EPHA5: variants seen among roughly 807,000 people sequenced by gnomAD.
The protein encoded by EPHA5 is ephrin type-A receptor 5.
EPHA5 carries 60 observed loss-of-function variants against 105.0 expected under a neutral mutation model. That is an observed-to-expected ratio of 0.57 (90% CI 0.46 to 0.71). The LOEUF (loss-of-function observed/expected upper bound fraction) is 0.71, where lower values mean the gene tolerates loss of function less well. Among genes scored for constraint, EPHA5 ranks in the 30% least tolerant of loss-of-function variants. EPHA5 has a pLI of 0.00. For missense variants in EPHA5, 1,218 were observed against 1,274.7 expected, an observed-to-expected ratio of 0.96 and a Z score of 0.68; for synonymous variants, 513 against 449.1, an observed-to-expected ratio of 1.14 and a Z score of -1.80.
intron 14 of EPHA5, among the ~76,000 whole-genome samples, chr4:65,345,755 GCCT>G (rs1220017275): frequency 6.6e-6 from 1 of 151,230 alleles, no homozygotes; most frequent in East Asian, 2.0e-4. Context: ...AAGCAATCAT[GCCT>G]CTTCTTTTTC....
intron 3 of EPHA5, among the ~76,000 whole-genome samples, chr4:65,527,081 T>C (rs560994753): frequency 6.6e-6 from 1 of 152,036 alleles, no homozygotes; most frequent in Admixed American, 6.6e-5. Flanking sequence ...AAAAGAGAAT[T>C]TGTATATAGT....
intron 8 of EPHA5, 129 bp from the exon 9 acceptor site, chr4:65,367,553 G>T: frequency 1.3e-6 from 1 of 772,724 alleles, no homozygotes. Context: ...AGTTTGGAAT[G>T]ATGCCAATAC....
chr4:65,623,941 A>T (rs2149480307), intron 2 of EPHA5, among the ~76,000 whole-genome samples: 1 of 152,300 alleles, frequency 6.6e-6, no homozygotes, highest in East Asian at 1.9e-4. Flanking sequence ...TAACAATGAA[A>T]ATTTAAGGTT....
Position 65,669,702 on chromosome 4 carries a change from G to T in EPHA5, c.41C>A (p.Pro14His), listed in dbSNP as rs1197560367. The change falls in exon 1 of 17, where the codon CCC (proline) becomes CAC (histidine). Residue 14 changes from proline (P) to histidine (H), a missense_variant. Physicochemically the swap from Pro to His is moderately conservative, Grantham distance 77 (BLOSUM62 -2). Around this residue, in one of 3 missense-constraint regions of EPHA5, gnomAD observed 233 missense variants for 227.5 expected, o/e 1.02. Transcript: ENST00000613740. ...SGPRGAGRRR[P>H]PSGGGDTPIT... is the part of the protein sequence containing the mutation. ...GGGGGTGTCGCCGCCGCCGCTTGGG[G>T]GCCGCCGGCGTCCCGCACCCCGGGG... 5.4e-6 allele frequency: 7 copies of T among 1,296,626 alleles called. No homozygotes were observed. The highest frequency in any genetic ancestry group is 1.5e-5 in the African/African-American group (1 of 65,620). 80.3% of individuals were successfully genotyped at this position (1,296,626 alleles called of 1,614,324 possible).
chr4:65,403,211 T>G (rs1363511424), intron 8 of EPHA5, among the ~76,000 whole-genome samples: 1 of 152,194 alleles, frequency 6.6e-6, no homozygotes, highest in African/African-American at 2.4e-5. Flanking sequence ...CTGTTACTTC[T>G]GTAATTTAAG....
chr4:65,563,413 C>T (rs910346996), intron 3 of EPHA5, among the ~76,000 whole-genome samples: 6 of 151,984 alleles, frequency 3.9e-5, no homozygotes, highest in African/African-American at 1.4e-4. Context: ...TCAATCACAG[C>T]ACACAAGTAG....
intron 5 of EPHA5, among the ~76,000 whole-genome samples, chr4:65,446,608 G>A (rs1246290606): frequency 6.6e-6 from 1 of 152,092 alleles, no homozygotes; most frequent in Non-Finnish European, 1.5e-5. Flanking sequence ...GTCTACTAAA[G>A]GAAATGAATT....
At position 65,323,468 on chromosome 4, in the gene EPHA5, C is replaced by A. The variant is rs1046170647; in HGVS notation, c.*646G>T. On this transcript the variant is annotated 3_prime_UTR_variant, in exon 17 of 17. Transcript: ENST00000613740. ...ATACACATTTATTACCTAATAATCT[C>A]TAGAAGAGCAACTAAAAGTAAACTT... 2 of 230,004 alleles carry A rather than the reference C, an allele frequency of 8.7e-6. No individual in the cohort carries two copies. The highest frequency in any genetic ancestry group is 2.2e-5 in the African/African-American group (1 of 45,108). The allele number at this position is 230,004 out of a possible 1,614,324, so 14.2% of individuals were successfully genotyped here. A position where few individuals can be genotyped will look rare whatever the true frequency, so the allele number is the denominator to read the frequency against.
chr4:65,454,909 T>A (rs1727425072), intron 5 of EPHA5, among the ~76,000 whole-genome samples: 1 of 152,198 alleles, frequency 6.6e-6, no homozygotes, highest in South Asian at 2.1e-4. Flanking sequence ...TTCTCACCTC[T>A]GACTCTCTCT....
chr4:65,322,028 CA>C lies in EPHA5; in HGVS notation c.*2085del, dbSNP rs1577798303. 1 of 225,926 alleles carries C rather than the reference CA, an allele frequency of 4.4e-6. No individual in the cohort carries two copies. The highest frequency in any genetic ancestry group is 6.4e-5 in the East Asian group (1 of 15,694). The allele number at this position is 225,926 out of a possible 1,614,324, so 14.0% of individuals were successfully genotyped here. On this transcript the variant is annotated 3_prime_UTR_variant, in exon 17 of 17. Transcript: ENST00000613740. The stretch of plus-strand genomic sequence containing the variant: ...ATTAATTTCTGTTTATTGAAATGAA[CA>C]AATGCATCTTTAATAATGGTGATGC...
rs558050307 is a variant in EPHA5, at chr4:65,620,162, T to C, written c.247-17858A>G. 2.0e-5 allele frequency among the ~76,000 whole-genome samples: 3 copies of C among 148,468 alleles called. 1 individual carries two copies. In the South Asian group the frequency reaches 6.3e-4, roughly 31 times the overall value. ...ATGATAGTAATAACTGTTTAAAATTTATCAAGAATGAAGTATGTGCCTAGA... is the reference window on the plus strand; with the variant it reads ...ATGATAGTAATAACTGTTTAAAATTCATCAAGAATGAAGTATGTGCCTAGA... On this transcript the variant is annotated intron_variant, in intron 2 of 16. Transcript: ENST00000613740.
chr4:65,470,269 T>A (rs1412656141), intron 5 of EPHA5, among the ~76,000 whole-genome samples: 1 of 151,596 alleles, frequency 6.6e-6, no homozygotes. Context: ...CTTGGCTCAC[T>A]GCAACCTCTG....
At position 65,323,349 on chromosome 4, in the gene EPHA5, T is replaced by G. The variant is rs992691569; in HGVS notation, c.*765A>C. On this transcript the variant is annotated 3_prime_UTR_variant, in exon 17 of 17. Transcript: ENST00000613740. The stretch of plus-strand genomic sequence containing the variant: ...GCTAAAATTGAAACACTATTAGAAA[T>G]GCAAGCAGAATGGTAACACACACAT... 8.7e-6 allele frequency: 2 copies of G among 229,900 alleles called. No individual in the cohort carries two copies. The highest frequency in any genetic ancestry group is 1.7e-5 in the Non-Finnish European group (2 of 115,972). 14.2% of individuals were successfully genotyped at this position (229,900 alleles called of 1,614,324 possible). A position where few individuals can be genotyped will look rare whatever the true frequency, so the allele number is the denominator to read the frequency against.
intron 8 of EPHA5, among the ~76,000 whole-genome samples, chr4:65,402,931 T>G (rs888982317): frequency 6.6e-6 from 1 of 152,138 alleles, no homozygotes; most frequent in Non-Finnish European, 1.5e-5. Flanking sequence ...CCCAGGTGAC[T>G]TCAGAGAGAT....
At chr4:65,547,226 T>C (rs549509301) in intron 3 of EPHA5, among the ~76,000 whole-genome samples, 1 of 151,376 alleles carries the variant, frequency 6.6e-6, no homozygotes, top group African/African-American at 2.4e-5. Context: ...TTTTACACCC[T>C]GTGGACTTCC....
rs554628323 is a variant in EPHA5, at chr4:65,550,651, C to T, written c.910+50990G>A. 7.9e-5 allele frequency among the ~76,000 whole-genome samples: 12 copies of T among 151,958 alleles called. No homozygotes were observed. The South Asian group carries it at 1.9e-3, about 24-fold the overall frequency. ...GAGATCGAAATCATCCTTGCTAACACGGGTGAAACCCCGTCTCTACTAAAA... is the reference window on the plus strand; with the variant it reads ...GAGATCGAAATCATCCTTGCTAACATGGGTGAAACCCCGTCTCTACTAAAA... On this transcript the variant is annotated intron_variant, in intron 3 of 16. Transcript: ENST00000613740.
At chr4:65,330,521 C>T (rs1720510035) in intron 16 of EPHA5, 3 of 379,746 alleles carry the variant, frequency 7.9e-6, no homozygotes, top group South Asian at 1.1e-4. Context: ...TAACTATATA[C>T]AGAAAATGTG....
chr4:65,651,738 A>G (rs2068428250), intron 1 of EPHA5, among the ~76,000 whole-genome samples: 1 of 152,232 alleles, frequency 6.6e-6, no homozygotes, highest in African/African-American at 2.4e-5. Flanking sequence ...TAGAATATTC[A>G]TACCATAAAG....
chr4:65,419,312 A>G (rs1306674065), intron 6 of EPHA5, among the ~76,000 whole-genome samples: 1 of 152,062 alleles, frequency 6.6e-6, no homozygotes, highest in African/African-American at 2.4e-5. Flanking sequence ...CTCTTTTCCA[A>G]TGCCCTAGCT....
Sources: allele counts gnomAD v4.1 joint callset (sites outside exome capture counted in the v4.1 genomes callset), GRCh38; gene constraint gnomAD v4.1.1; regional missense constraint gnomAD v4.1.1; transcripts MANE v1.5; gene names NCBI Gene and HGNC (gene_info 2026-07-23, HGNC 2026-07-21).